GRM1: variants seen among roughly 807,000 people sequenced by gnomAD.
GRM1 encodes glutamate metabotropic receptor 1, also known as metabotropic glutamate receptor 1.
GRM1 carries 33 observed loss-of-function variants against 90.9 expected under a neutral mutation model. The ratio of observed to expected loss-of-function variants is 0.36; its 90% CI spans 0.28 to 0.49. GRM1 has a LOEUF of 0.49. Among genes scored for constraint, GRM1 ranks in the 20% least tolerant of loss-of-function variants. The pLI, the probability that GRM1 is intolerant of heterozygous loss-of-function variation, is 0.99. For synonymous variants in GRM1, 700 were observed against 613.2 expected (o/e 1.14, Z -2.09); for missense variants, 1,190 against 1,534.3 (o/e 0.78, Z 3.75).
At chr6:146,348,394 TTATG>T (rs1375964039) in intron 3 of GRM1, among the ~76,000 whole-genome samples, 1 of 152,206 alleles carries the variant, frequency 6.6e-6, no homozygotes, top group Admixed American at 6.5e-5. Context: ...CTTTCCAACT[TTATG>T]TCACATGTTC....
intron 1 of GRM1, among the ~76,000 whole-genome samples, chr6:146,051,991 G>A (rs1775308352): frequency 6.6e-6 from 1 of 152,024 alleles, no homozygotes; most frequent in Non-Finnish European, 1.5e-5. Context: ...AATGCTGCTT[G>A]TAACTTTCTC....
At chr6:146,378,467 G>C (rs549588678) in intron 5 of GRM1, among the ~76,000 whole-genome samples, 1 of 152,324 alleles carries the variant, frequency 6.6e-6, no homozygotes, top group Admixed American at 6.5e-5. Context: ...TTCAGACATG[G>C]AGTCAAAAGA....
chr6:146,422,718 G>A (rs1778041834), intron 7 of GRM1, among the ~76,000 whole-genome samples: 1 of 152,146 alleles, frequency 6.6e-6, no homozygotes, highest in Non-Finnish European at 1.5e-5. Context: ...TCTTTACATA[G>A]AAAGTGAAGA....
At chr6:146,362,132 C>T (rs895341420) in intron 5 of GRM1, among the ~76,000 whole-genome samples, 1 of 152,174 alleles carries the variant, frequency 6.6e-6, no homozygotes, top group African/African-American at 2.4e-5. Flanking sequence ...GAATTCTTTT[C>T]TCCAAGACGT....
chr6:146,048,503 G>T (rs1349610101), intron 1 of GRM1, among the ~76,000 whole-genome samples: 1 of 151,680 alleles, frequency 6.6e-6, no homozygotes, highest in Non-Finnish European at 1.5e-5. Flanking sequence ...TCTTATTTTT[G>T]CCCTCTGTTT....
At chr6:146,129,554 CT>C (rs1425450210) in intron 1 of GRM1, among the ~76,000 whole-genome samples, 1 of 152,142 alleles carries the variant, frequency 6.6e-6, no homozygotes, top group East Asian at 1.9e-4. Context: ...CACAGAGCAA[CT>C]TGGGAAGATG....
intron 2 of GRM1, among the ~76,000 whole-genome samples, chr6:146,261,871 T>C (rs1026503831): frequency 5.3e-5 from 8 of 151,942 alleles, no homozygotes; most frequent in African/African-American, 1.9e-4. Context: ...AAAAGAAATG[T>C]AAGCTACAAA....
At chr6:146,304,179 G>C (rs1783492746) in intron 2 of GRM1, among the ~76,000 whole-genome samples, 1 of 152,148 alleles carries the variant, frequency 6.6e-6, no homozygotes, top group Non-Finnish European at 1.5e-5. Flanking sequence ...GGTAGCTCAT[G>C]TAATGATCTT....
chr6:146,434,222 TG>T lies in GRM1; in HGVS notation c.3013del (p.Ala1005ProfsTer26). ...ACCGCAGAGGAGACCCCCCTCTTCC[TG>T]GCCGAACCAGCCCTCCCCAAGGGCT... ...HLTAEETPLF[L>X]AEPALPKGLP... On this transcript the variant is annotated frameshift_variant, in exon 8 of 8. Coordinates refer to ENST00000282753, the MANE Select transcript of GRM1 (RefSeq NM_001278064.2). LOFTEE classifies it high-confidence loss of function. 1 of 1,607,684 alleles carries T rather than the reference TG, an allele frequency of 6.2e-7. No homozygotes were observed. The highest frequency in any genetic ancestry group is 8.5e-7 in the Non-Finnish European group (1 of 1,175,666).
chr6:146,118,081 G>T (rs1037532153), intron 1 of GRM1, among the ~76,000 whole-genome samples: 36 of 147,462 alleles, frequency 2.4e-4, no homozygotes, highest in African/African-American at 8.9e-4. Context: ...AACTTTGTAT[G>T]TCTTTATATA....
chr6:146,251,668 C>T (rs888798305), intron 2 of GRM1, among the ~76,000 whole-genome samples: 35 of 152,118 alleles, frequency 2.3e-4, no homozygotes, highest in African/African-American at 7.0e-4. Flanking sequence ...TTGACTTGGG[C>T]GCACGGATAA....
At chr6:146,418,174 C>T (rs116443447) in intron 7 of GRM1, among the ~76,000 whole-genome samples, 1,954 of 151,956 alleles carry the variant, frequency 0.013, 46 homozygotes, top group African/African-American at 0.045. Context: ...TTACATTTGG[C>T]GTGTCTCCTT....
In GRM1 at chr6:146,063,262, C is replaced by T. The variant is rs9376979; in HGVS notation, c.700+33045C>T. Among the ~76,000 whole-genome samples the T allele has an allele frequency of 1.6e-3, 242 of 152,294 alleles. 2 individuals carry two copies. The East Asian group carries it at 0.043, about 27-fold the overall frequency. On this transcript the variant is annotated intron_variant, in intron 1 of 7. Transcript: ENST00000282753. ...GGCTGTGAATGAACTAATTAGAATTCAAGTTAACGGGAAAATTTTTTGAAA... is the reference window on the plus strand; with the variant it reads ...GGCTGTGAATGAACTAATTAGAATTTAAGTTAACGGGAAAATTTTTTGAAA...
chr6:146,401,312 CT>C (rs1178225764), intron 7 of GRM1, among the ~76,000 whole-genome samples: 1 of 151,858 alleles, frequency 6.6e-6, no homozygotes, highest in Non-Finnish European at 1.5e-5. Context: ...AGTGGTTAGC[CT>C]TTTTTTTCCT....
At position 146,436,885 on chromosome 6, in the gene GRM1, A is replaced by G. The variant is rs1264935968; in HGVS notation, c.*2089A>G. 1 of 152,638 alleles carries G rather than the reference A, an allele frequency of 6.6e-6. No homozygotes were observed. Among genetic ancestry groups the G allele is most frequent in the Non-Finnish European group, 1.5e-5 (1 of 68,018 alleles). 9.5% of individuals were successfully genotyped at this position (152,638 alleles called of 1,614,324 possible). A position where few individuals can be genotyped will look rare whatever the true frequency, so the allele number is the denominator to read the frequency against. ...CATTGCATCATTTGTTCAGAATTTA[A>G]CATCCATTCCAATGTTGGAGGCTTG... On this transcript the variant is annotated 3_prime_UTR_variant, in exon 8 of 8. Transcript: ENST00000282753.
chr6:146,294,425 G>C (rs1783104862), intron 2 of GRM1, among the ~76,000 whole-genome samples: 1 of 151,920 alleles, frequency 6.6e-6, no homozygotes, highest in Admixed American at 6.6e-5. Context: ...TTTAATTTAT[G>C]ATGCTCAGAG....
intron 2 of GRM1, among the ~76,000 whole-genome samples, chr6:146,288,268 G>A (rs1265099086): frequency 1.3e-5 from 2 of 152,076 alleles, no homozygotes; most frequent in Non-Finnish European, 1.5e-5. Flanking sequence ...GGATGTTATA[G>A]GCAATGCTGG....
chr6:146,379,952 C>G (rs1016129992), intron 5 of GRM1, among the ~76,000 whole-genome samples: 1 of 152,012 alleles, frequency 6.6e-6, no homozygotes, highest in Non-Finnish European at 1.5e-5. Flanking sequence ...CTCTCTCTCT[C>G]TCTCTCTTTC....
rs1411238655 is a variant in GRM1, at chr6:146,141,791, A to G, written c.701-17557A>G. On this transcript the variant is annotated intron_variant, in intron 1 of 7. Transcript: ENST00000282753. ...TGATAGGATTTTGAATTTCTACTCT[A>G]TGTTACCCTGAATTTCAGTGAGTTT... 2.0e-5 allele frequency among the ~76,000 whole-genome samples: 3 copies of G among 152,192 alleles called. No individual in the cohort carries two copies. The East Asian group carries it at 5.8e-4, about 29-fold the overall frequency.
Sources: allele counts gnomAD v4.1 joint callset (sites outside exome capture counted in the v4.1 genomes callset), GRCh38; gene constraint gnomAD v4.1.1; transcripts MANE v1.5; gene names NCBI Gene and HGNC (gene_info 2026-07-23, HGNC 2026-07-21).